The following RABGAP1L variants were observed in gnomAD, a reference collection of about 807,000 sequenced individuals.
RABGAP1L encodes rab GTPase-activating protein 1-like.
A neutral mutation model predicts 137.7 loss-of-function variants in RABGAP1L; 63 were observed. The ratio of observed to expected loss-of-function variants is 0.46; its 90% confidence interval spans 0.37 to 0.56. RABGAP1L has a LOEUF of 0.56. Ranked by LOEUF, RABGAP1L falls within the 20% of genes least tolerant of loss-of-function variation. The pLI, the probability that RABGAP1L is intolerant of heterozygous loss-of-function variation, is 0.00. For missense variants in RABGAP1L, 1,095 were observed against 1,244.0 expected, an observed-to-expected ratio of 0.88 and a Z score of 1.80; for synonymous variants, 431 against 433.7, an observed-to-expected ratio of 0.99 and a Z score of 0.08.
intron 14 of RABGAP1L, among the ~76,000 whole-genome samples, chr1:174,647,373 A>G (rs1215638532): frequency 6.6e-6 from 1 of 152,110 alleles, no homozygotes; most frequent in Non-Finnish European, 1.5e-5. Context: ...TTATTTTGAG[A>G]TATGCTCCAC....
chr1:174,410,141 A>G (rs945045472), intron 13 of RABGAP1L, among the ~76,000 whole-genome samples: 18 of 152,140 alleles, frequency 1.2e-4, no homozygotes, highest in Non-Finnish European at 2.1e-4. Context: ...TCACGGTCCT[A>G]CAGATATGCT....
chr1:174,344,533 C>T (rs1682274231), intron 11 of RABGAP1L, among the ~76,000 whole-genome samples: 1 of 152,158 alleles, frequency 6.6e-6, no homozygotes, highest in South Asian at 2.1e-4. Flanking sequence ...TTGGTGTGAT[C>T]ATTCACACAT....
chr1:174,275,574 T>A (rs900324913), intron 8 of RABGAP1L, among the ~76,000 whole-genome samples: 1 of 152,166 alleles, frequency 6.6e-6, no homozygotes, highest in African/African-American at 2.4e-5. Flanking sequence ...GTTTTTTTGA[T>A]TCAGCATGTA....
At chr1:174,607,617 T>G (rs1670884289) in intron 13 of RABGAP1L, among the ~76,000 whole-genome samples, 1 of 152,198 alleles carries the variant, frequency 6.6e-6, no homozygotes, top group African/African-American at 2.4e-5. Flanking sequence ...TTGTGAAAAA[T>G]TATCTGGTTT....
chr1:174,965,053 C>G (rs931254681), intron 20 of RABGAP1L: 1 of 1,197,584 alleles, frequency 8.4e-7, no homozygotes, highest in Non-Finnish European at 1.2e-6. Context: ...AATGCAGTAT[C>G]CTCCTCCCAA....
chr1:174,757,769 T>C (rs1401426971), intron 18 of RABGAP1L, among the ~76,000 whole-genome samples: 1 of 151,868 alleles, frequency 6.6e-6, no homozygotes, highest in Non-Finnish European at 1.5e-5. Flanking sequence ...GGGGCTTATA[T>C]AAAAGTTCTG....
chr1:174,868,664 A>C (rs1329280), intron 19 of RABGAP1L, among the ~76,000 whole-genome samples: 2 of 152,132 alleles, frequency 1.3e-5, no homozygotes, highest in African/African-American at 4.8e-5. Context: ...ATATCATTAT[A>C]TAACAAATGC....
chr1:174,357,046 T>G (rs1683704402), intron 11 of RABGAP1L, among the ~76,000 whole-genome samples: 1 of 152,152 alleles, frequency 6.6e-6, no homozygotes, highest in African/African-American at 2.4e-5. Flanking sequence ...TTTTGAAGGA[T>G]AACAGTAAAC....
intron 13 of RABGAP1L, among the ~76,000 whole-genome samples, chr1:174,407,184 C>G (rs947042196): frequency 2.0e-5 from 3 of 152,118 alleles, no homozygotes; most frequent in Admixed American, 6.6e-5. Context: ...ACCTCCTGCC[C>G]CAACATGTTA....
chr1:174,309,846 T>C (rs1041924686), intron 11 of RABGAP1L, among the ~76,000 whole-genome samples: 1 of 152,120 alleles, frequency 6.6e-6, no homozygotes, highest in Non-Finnish European at 1.5e-5. Flanking sequence ...TGTGTCTGGC[T>C]TTGATATTAG....
At chr1:174,444,698 A>AT (rs1319176605) in intron 13 of RABGAP1L, among the ~76,000 whole-genome samples, 9 of 151,720 alleles carry the variant, frequency 5.9e-5, no homozygotes, top group African/African-American at 1.9e-4. Flanking sequence ...GAATTTAGCC[A>AT]TTTTTTCTAG....
chr1:174,472,806 T>G (rs1038472968), intron 13 of RABGAP1L, among the ~76,000 whole-genome samples: 2 of 152,192 alleles, frequency 1.3e-5, no homozygotes, highest in African/African-American at 4.8e-5. Flanking sequence ...TATAACAGTT[T>G]AGGTACAATA....
intron 13 of RABGAP1L, among the ~76,000 whole-genome samples, chr1:174,569,628 C>G (rs1667836983): frequency 6.6e-6 from 1 of 152,198 alleles, no homozygotes; most frequent in African/African-American, 2.4e-5. Flanking sequence ...TGGCTACTCT[C>G]AGATGCCCAA....
chr1:174,939,547 C>CAA (rs780377420), intron 19 of RABGAP1L, among the ~76,000 whole-genome samples: 10 of 79,166 alleles, frequency 1.3e-4, no homozygotes, highest in African/African-American at 1.9e-4. Context: ...CTCTGTCTCA[C>CAA]AAAAAAAAAA....
At chr1:174,597,309 G>A (rs1001603977) in intron 13 of RABGAP1L, among the ~76,000 whole-genome samples, 2 of 152,040 alleles carry the variant, frequency 1.3e-5, no homozygotes, top group African/African-American at 2.4e-5. Flanking sequence ...TTCTTCAAAT[G>A]TTTTGTAAAA....
chr1:174,728,685 A>T (rs1682206186), intron 17 of RABGAP1L, among the ~76,000 whole-genome samples: 1 of 136,092 alleles, frequency 7.3e-6, no homozygotes, highest in Non-Finnish European at 1.5e-5. Flanking sequence ...GCACCCTCCC[A>T]GGCTGGAGTG....
chr1:174,623,691 A>G lies in RABGAP1L; in HGVS notation c.1711-13684A>G, dbSNP rs143492975. On this transcript the variant is annotated intron_variant, in intron 13 of 25. Transcript: ENST00000681986. ...ATTTTTTGTTGAGGCTCTGTCACATATTACCTATGTGGCTGACCTTTATTC... is the reference window on the plus strand; with the variant it reads ...ATTTTTTGTTGAGGCTCTGTCACATGTTACCTATGTGGCTGACCTTTATTC... 6.7e-3 allele frequency among the ~76,000 whole-genome samples: 1,013 copies of G among 152,252 alleles called. 7 individuals are homozygous for G. The highest frequency in any genetic ancestry group is 0.01 in the Middle Eastern group (3 of 294).
chr1:174,809,547 T>A (rs182027040), intron 18 of RABGAP1L, among the ~76,000 whole-genome samples: 49 of 152,336 alleles, frequency 3.2e-4, no homozygotes, highest in African/African-American at 1.1e-3. Flanking sequence ...ATAACTATGC[T>A]ACTGTCTGCA....
chr1:174,764,888 A>C (rs528083641), intron 18 of RABGAP1L, among the ~76,000 whole-genome samples: 1 of 152,206 alleles, frequency 6.6e-6, no homozygotes, highest in African/African-American at 2.4e-5. Context: ...TCTTGATACC[A>C]TAAAGCTGCC....
Sources: gnomAD v4.1 joint callset for allele counts (sites outside exome capture counted in the v4.1 genomes callset) on GRCh38, gnomAD v4.1.1 for gene constraint, MANE v1.5 for transcripts, NCBI Gene and HGNC (gene_info 2026-07-23, HGNC 2026-07-21) for gene names.